ZNF771: variants seen among roughly 807,000 people sequenced by gnomAD.
ZNF771 encodes the protein mesenchymal stem cell protein DSC43.
In ZNF771, 10 loss-of-function variants were observed where a neutral mutation model predicts 27.6. That is an observed-to-expected ratio of 0.36 (90% CI 0.22 to 0.61). The LOEUF (loss-of-function observed/expected upper bound fraction) is 0.61, where lower values mean the gene tolerates loss of function less well. Ranked by LOEUF, ZNF771 falls within the 20% of genes least tolerant of loss-of-function variation. The pLI is 0.70. For synonymous variants in ZNF771, 261 were observed against 225.2 expected (o/e 1.16, Z -1.43); for missense variants, 438 against 503.7 (o/e 0.87, Z 1.25).
At position 30,418,515 on chromosome 16, in the gene ZNF771, C is replaced by A. The variant is rs1239098654; in HGVS notation, c.*148C>A. 6 of 781,214 alleles carry A rather than the reference C, an allele frequency of 7.7e-6. No homozygotes were observed. The highest frequency in any genetic ancestry group is 1.1e-5 in the Non-Finnish European group (6 of 537,798). The allele number at this position is 781,214 out of a possible 1,614,324, so 48.4% of individuals were successfully genotyped here. Reference sequence around the variant, plus strand: ...ACTGGGAGACAGGGAGAATCCCCTGCCGGGGTCCCTGGAAACAGTGCCCAC... The same window carrying A: ...ACTGGGAGACAGGGAGAATCCCCTGACGGGGTCCCTGGAAACAGTGCCCAC... On this transcript the variant is annotated 3_prime_UTR_variant, in exon 3 of 3. Transcript: ENST00000319296.
chr16:30,413,847 G>A (rs967839231), intron 2 of ZNF771: 4 of 167,026 alleles, frequency 2.4e-5, no homozygotes, highest in African/African-American at 4.8e-5. Context: ...AAGATTACAG[G>A]TGTGAGTCAC....
chr16:30,413,628 C>T, intron 2 of ZNF771: 1 of 434,614 alleles, frequency 2.3e-6, no homozygotes, highest in South Asian at 1.6e-5. Context: ...AGTGCAGTGG[C>T]ACGTGATTGT....
chr16:30,409,436 AAT>A (rs957163871), intron 2 of ZNF771, among the ~76,000 whole-genome samples: 8 of 152,088 alleles, frequency 5.3e-5, no homozygotes, highest in Non-Finnish European at 8.8e-5. Context: ...TTGAGATCAG[AAT>A]ATGAGTTAAA....
rs2050141324 is a variant in ZNF771, at chr16:30,417,653, G to A, written c.240G>A (p.Lys80=). Residue 80 remains lysine (K), a synonymous_variant, in exon 3 of 3, where the codon AAG becomes AAA. Coordinates refer to ENST00000319296, the MANE Select transcript of ZNF771 (RefSeq NM_001142305.2). ...TCGCGCGCCGCTCCACGCTGGCGAA[G>A]CACGCGCGCACGCACACGGGCGAAC... ...RAFARRSTLA[K]HARTHTGERP... The A allele has an allele frequency of 1.5e-5, 21 of 1,370,008 alleles. No individual in the cohort carries two copies. The highest frequency in any genetic ancestry group is 1.9e-5 in the Non-Finnish European group (20 of 1,064,270). The allele number at this position is 1,370,008 out of a possible 1,614,324, so 84.9% of individuals were successfully genotyped here.
chr16:30,411,645 G>C (rs1036503782), intron 2 of ZNF771, among the ~76,000 whole-genome samples: 6 of 152,180 alleles, frequency 3.9e-5, no homozygotes, highest in Admixed American at 3.3e-4. Context: ...AGTCTGAGAA[G>C]TGTCATCAAG....
In ZNF771 at chr16:30,416,653, C is replaced by T. The variant is rs138991023; in HGVS notation, c.142-902C>T. Among the ~76,000 whole-genome samples, 31 of 152,296 alleles carry T rather than the reference C, an allele frequency of 2.0e-4. 4 individuals are homozygous for T. Among genetic ancestry groups the T allele is most frequent in the African/African-American group, 7.0e-4 (29 of 41,550 alleles). On this transcript the variant is annotated intron_variant, in intron 2 of 2. Transcript: ENST00000319296. The stretch of plus-strand genomic sequence containing the variant: ...TAGTGGCCTCCTCACTGGGCTTCTG[C>T]TTCTGCTCTCTCCAACTCCTTCATT...
intron 2 of ZNF771, 125 bp downstream of exon 2, chr16:30,408,319 T>C (rs2151122952): frequency 7.3e-7 from 1 of 1,370,470 alleles, no homozygotes. Context: ...AACCTCAGGA[T>C]TGGCCCATCC....
At position 30,417,658 on chromosome 16, in the gene ZNF771, C is replaced by T; in HGVS notation, c.245C>T (p.Ala82Val). ...FARRSTLAKH[A>V]RTHTGERPFG... The stretch of plus-strand genomic sequence containing the variant: ...CGCCGCTCCACGCTGGCGAAGCACG[C>T]GCGCACGCACACGGGCGAACGGCCC... The change falls in exon 3 of 3, where the codon GCG becomes GTG. Residue 82 changes from alanine (A) to valine (V), a missense_variant. Coordinates refer to ENST00000319296, the MANE Select transcript of ZNF771 (RefSeq NM_001142305.2). 1.2e-5 allele frequency: 17 copies of T among 1,373,544 alleles called. No homozygotes were observed. Among genetic ancestry groups the T allele is most frequent in the Non-Finnish European group, 1.6e-5 (17 of 1,065,808 alleles). 85.1% of individuals were successfully genotyped at this position (1,373,544 alleles called of 1,614,324 possible). A position where few individuals can be genotyped will look rare whatever the true frequency, so the allele number is the denominator to read the frequency against.
Position 30,417,538 on chromosome 16 carries a change from T to G in ZNF771, c.142-17T>G. 2.5e-6 allele frequency: 3 copies of G among 1,214,610 alleles called. No homozygotes were observed. In the East Asian group the frequency reaches 1.0e-4, roughly 41 times the overall value. The allele number at this position is 1,214,610 out of a possible 1,614,324, so 75.2% of individuals were successfully genotyped here. On this transcript the variant is annotated splice_polypyrimidine_tract_variant and intron_variant, in intron 2 of 2. Transcript: ENST00000319296. ...GGGCCTGCCGCTAAGGGCTGACCTA[T>G]CCCCCTCTCCCCGCAGGTCCCGGGC...
rs1468085272 is a variant in ZNF771 at position 30,407,621 on chromosome 16, C to G, written c.-53C>G. The G allele has an allele frequency of 1.9e-5, 3 of 156,606 alleles. No homozygotes were observed. Among genetic ancestry groups the G allele is most frequent in the Admixed American group, 6.4e-5 (1 of 15,702 alleles). The allele number at this position is 156,606 out of a possible 1,614,324, so 9.7% of individuals were successfully genotyped here. On this transcript the variant is annotated 5_prime_UTR_variant, in exon 1 of 3. Transcript: ENST00000319296. ...CGGCCTCGCTGAGTGCCCAGCCGCC[C>G]GGCGCCCAGGCCTGGGGCACCGCGA...
intron 2 of ZNF771, among the ~76,000 whole-genome samples, chr16:30,416,530 A>G (rs1053002259): frequency 1.3e-5 from 2 of 152,248 alleles, no homozygotes; most frequent in Non-Finnish European, 1.5e-5. Flanking sequence ...CACACTGCAA[A>G]TAGATCCAGA....
intron 2 of ZNF771, 64 bp from the exon 3 acceptor site, chr16:30,417,491 G>A: frequency 9.0e-7 from 1 of 1,105,448 alleles, no homozygotes; most frequent in Middle Eastern, 3.5e-4. Context: ...GCAGCCTGTG[G>A]AGACCCAGGT....
chr16:30,409,258 G>A (rs192084111), intron 2 of ZNF771, among the ~76,000 whole-genome samples: 39 of 152,298 alleles, frequency 2.6e-4, no homozygotes, highest in Admixed American at 2.5e-3. Flanking sequence ...TTATAGGTGT[G>A]AGCCACCGTA....
Position 30,408,089 on chromosome 16 carries a change from G to A in ZNF771, c.36G>A (p.Glu12=). 6.2e-7 allele frequency: 1 copy of A among 1,610,268 alleles called. No homozygotes were observed. Among genetic ancestry groups the A allele is most frequent in the Non-Finnish European group, 8.5e-7 (1 of 1,177,644 alleles). ...PGEQQAEEEE[E]EEMQEEMVLL... Reference sequence around the variant, plus strand: ...AACAGCAGGCAGAGGAAGAGGAGGAGGAAGAGATGCAGGAGGAGATGGTGC... The same window carrying A: ...AACAGCAGGCAGAGGAAGAGGAGGAAGAAGAGATGCAGGAGGAGATGGTGC... Residue 12 remains glutamate (E), a synonymous_variant, in exon 2 of 3, where the codon GAG becomes GAA. Transcript: ENST00000319296.
chr16:30,414,228 T>G (rs956221305), intron 2 of ZNF771: 1 of 152,222 alleles, frequency 6.6e-6, no homozygotes, highest in Non-Finnish European at 1.5e-5. Context: ...AAATGTGACC[T>G]TGAATTCAGA....
chr16:30,412,934 G>C (rs967442567), intron 2 of ZNF771, among the ~76,000 whole-genome samples: 1 of 152,188 alleles, frequency 6.6e-6, no homozygotes, highest in African/African-American at 2.4e-5. Flanking sequence ...TAACTTCTGA[G>C]TCTTATTTCC....
rs58120088 is a variant in ZNF771 at position 30,411,162 on chromosome 16, T to C, written c.141+2968T>C. Among the ~76,000 whole-genome samples, 20 of 151,688 alleles carry C rather than the reference T, an allele frequency of 1.3e-4. No individual in the cohort carries two copies. In the East Asian group the frequency reaches 3.9e-3, roughly 30 times the overall value. On this transcript the variant is annotated intron_variant, in intron 2 of 2. Coordinates refer to ENST00000319296, the MANE Select transcript of ZNF771 (RefSeq NM_001142305.2). ...GGTGAAACCCCATCTCTACTAAAAA[T>C]ACAAAAATTAGCCGGGTGTGGTGGC... is the stretch of plus-strand genomic sequence containing the variant.
At chr16:30,412,006 CT>C (rs2050106267) in intron 2 of ZNF771, among the ~76,000 whole-genome samples, 1 of 152,170 alleles carries the variant, frequency 6.6e-6, no homozygotes, top group Non-Finnish European at 1.5e-5. Flanking sequence ...GGCTTGAACC[CT>C]TGAGTGGTTT....
rs1023560689 is a variant in ZNF771 at position 30,418,521 on chromosome 16, T to A, written c.*154T>A. On this transcript the variant is annotated 3_prime_UTR_variant, in exon 3 of 3. Coordinates refer to ENST00000319296, the MANE Select transcript of ZNF771 (RefSeq NM_001142305.2). ...AGACAGGGAGAATCCCCTGCCGGGG[T>A]CCCTGGAAACAGTGCCCACCCCACA... 2.3e-5 allele frequency: 17 copies of A among 744,094 alleles called. No individual in the cohort carries two copies. The highest frequency in any genetic ancestry group is 2.1e-4 in the African/African-American group (11 of 53,444). 46.1% of individuals were successfully genotyped at this position (744,094 alleles called of 1,614,324 possible). A position where few individuals can be genotyped will look rare whatever the true frequency, so the allele number is the denominator to read the frequency against.
Sources: gnomAD v4.1 joint callset for allele counts (sites outside exome capture counted in the v4.1 genomes callset) on GRCh38, gnomAD v4.1.1 for gene constraint, MANE v1.5 for transcripts, NCBI Gene and HGNC (gene_info 2026-07-23, HGNC 2026-07-21) for gene names.